ATP8B2: variants seen among roughly 807,000 people sequenced by gnomAD.
The protein encoded by ATP8B2 is phospholipid-transporting ATPase ID.
ATP8B2 carries 70 observed loss-of-function variants against 133.4 expected under a neutral mutation model. The observed-to-expected ratio is 0.52, with a 90% confidence interval of 0.43 to 0.64. ATP8B2 has a LOEUF of 0.64. Among genes scored for constraint, ATP8B2 ranks in the 30% least tolerant of loss-of-function variants. ATP8B2 has a pLI of 0.00. For missense variants in ATP8B2, 1,101 were observed against 1,535.7 expected, an observed-to-expected ratio of 0.72 and a Z score of 4.73; for synonymous variants, 517 against 589.5, an observed-to-expected ratio of 0.88 and a Z score of 1.78.
At position 154,334,351 on chromosome 1, in the gene ATP8B2, C is replaced by A. The variant is rs1686103484; in HGVS notation, c.748+86C>A. 6.4e-7 allele frequency: 1 copy of A among 1,565,380 alleles called. No homozygotes were observed. Among genetic ancestry groups the A allele is most frequent in the Non-Finnish European group, 8.7e-7 (1 of 1,147,210 alleles). On this transcript the variant is annotated intron_variant, in intron 10 of 27. Coordinates refer to ENST00000368489, the MANE Select transcript of ATP8B2 (RefSeq NM_001370597.1). The surrounding 1 kb of genome is among the most constrained non-coding windows in gnomAD (Gnocchi z 4.6). ...GAGTATGGGATGAGGTGGGAGAATA[C>A]CTAAGGTAAAAAACCTCCAGCTGTG... is the stretch of plus-strand genomic sequence containing the variant.
rs1157250636 is a variant in ATP8B2, at chr1:154,350,831, G to A, written c.*1713G>A. The A allele has an allele frequency of 6.6e-6, 1 of 152,264 alleles. No individual in the cohort carries two copies. Among genetic ancestry groups the A allele is most frequent in the Non-Finnish European group, 1.5e-5 (1 of 68,004 alleles). 9.4% of individuals were successfully genotyped at this position (152,264 alleles called of 1,614,324 possible). On this transcript the variant is annotated 3_prime_UTR_variant, in exon 28 of 28. Transcript: ENST00000368489. ...CTTTCCTCTTCTTTGATAGTGGGTC[G>A]GGGGATTCTTCAGGAATGGTTTGGA...
Position 154,328,774 on chromosome 1 carries a change from G to T in ATP8B2, c.31+602G>T, listed in dbSNP as rs1685880442. 1.3e-5 allele frequency: 13 copies of T among 1,001,280 alleles called. No homozygotes were observed. Among genetic ancestry groups the T allele is most frequent in the African/African-American group, 1.7e-5 (1 of 57,360 alleles). The allele number at this position is 1,001,280 out of a possible 1,614,324, so 62.0% of individuals were successfully genotyped here. ...ACGCTGGCATCCGCCGGGGGGCATG[G>T]GGGGCGGCGGCGGCGGCGCAGCTGA... On this transcript the variant is annotated intron_variant, in intron 2 of 27. Coordinates refer to ENST00000368489, the MANE Select transcript of ATP8B2 (RefSeq NM_001370597.1). This position sits in a 1 kb window ranked among gnomAD's most constrained non-coding sequence, Gnocchi z 4.6.
At position 154,328,137 on chromosome 1, in the gene ATP8B2, G is replaced by A; in HGVS notation, c.-5G>A. 6.2e-7 allele frequency: 1 copy of A among 1,614,146 alleles called. No individual in the cohort carries two copies. The highest frequency in any genetic ancestry group is 8.5e-7 in the Non-Finnish European group (1 of 1,180,008). ...CATGGGATTGCTGGGATCTTGCTGG[G>A]TGAGATGGCAGTGTGTGCAAAAAAG... On this transcript the variant is annotated 5_prime_UTR_variant, in exon 2 of 28. In the 5' UTR this introduces an upstream ATG that the reference lacks. Coordinates refer to ENST00000368489, the MANE Select transcript of ATP8B2 (RefSeq NM_001370597.1). This position sits in a 1 kb window ranked among gnomAD's most constrained non-coding sequence, Gnocchi z 4.6.
rs141598097 is a variant in ATP8B2, at chr1:154,348,538, G to A, written c.3294G>A (p.Thr1098=). Residue 1098 remains threonine (T), a splice_region_variant and synonymous_variant, in exon 27 of 28, where the codon ACG becomes ACA. Coordinates refer to ENST00000368489, the MANE Select transcript of ATP8B2 (RefSeq NM_001370597.1). Reference sequence around the variant, plus strand: ...ACCTGAAGCCGGATCTCTCCGACACGGTGAGAAGCCAGGCTACCTGCTGTG... The same window carrying A: ...ACCTGAAGCCGGATCTCTCCGACACAGTGAGAAGCCAGGCTACCTGCTGTG... ...RLNLKPDLSD[T]VRYTQLVRKK... 1.9e-6 allele frequency: 3 copies of A among 1,613,200 alleles called. No homozygotes were observed. Among genetic ancestry groups the A allele is most frequent in the Admixed American group, 1.7e-5 (1 of 60,002 alleles).
intron 13 of ATP8B2, chr1:154,341,664 G>A (rs1686388345): frequency 6.4e-6 from 1 of 156,670 alleles, no homozygotes; most frequent in South Asian, 1.9e-4. Context: ...GTGGTGGCAG[G>A]TGCCTGTTTT....
Position 154,343,795 on chromosome 1 carries a change from C to T in ATP8B2, c.1759-98C>T, listed in dbSNP as rs545364673. The T allele has an allele frequency of 7.2e-6, 10 of 1,394,694 alleles. No homozygotes were observed. Among genetic ancestry groups the T allele is most frequent in the East Asian group, 7.0e-5 (3 of 43,150 alleles). The allele number at this position is 1,394,694 out of a possible 1,614,324, so 86.4% of individuals were successfully genotyped here. ...CAGTCCCTAACTGTGGAATGTGGCA[C>T]ACACCCAGTCTACAGTGCAGGATTA... is the stretch of plus-strand genomic sequence containing the variant. On this transcript the variant is annotated intron_variant, in intron 17 of 27. Transcript: ENST00000368489. This position sits in a 1 kb window ranked among gnomAD's most constrained non-coding sequence, Gnocchi z 5.8.
intron 11 of ATP8B2, 145 bp from the exon 12 acceptor site, chr1:154,337,203 T>A: frequency 3.7e-6 from 3 of 810,430 alleles, no homozygotes; most frequent in Non-Finnish European, 3.8e-6. Flanking sequence ...TTGGGCCACA[T>A]GTGGCCCAGA....
In ATP8B2 at chr1:154,327,766, G is replaced by T. The variant is rs778375392; in HGVS notation, c.-37-339G>T. The T allele has an allele frequency of 8.8e-6, 14 of 1,599,834 alleles. No individual in the cohort carries two copies. The East Asian group carries it at 2.9e-4, about 33-fold the overall frequency. On this transcript the variant is annotated intron_variant, in intron 1 of 27. Coordinates refer to ENST00000368489, the MANE Select transcript of ATP8B2 (RefSeq NM_001370597.1). ...GTAAGCACAAGCACTACTCATTGCC[G>T]CCAGAACACATGAGAGCCTCCATTG...
Position 154,348,849 on chromosome 1 carries a change from A to G in ATP8B2, c.3304A>G (p.Thr1102Ala), listed in dbSNP as rs1326577910. 1 of 1,603,348 alleles carries G rather than the reference A, an allele frequency of 6.2e-7. No individual in the cohort carries two copies. The highest frequency in any genetic ancestry group is 1.7e-5 in the Admixed American group (1 of 59,230). ...CTGTGCCCCTCTGCAGGTCCGCTAC[A>G]CACAGCTCGTGAGGAAGAAGCAGAA... ...KPDLSDTVRYTQLVRKKQKAQ... is the reference protein window; with the variant it reads ...KPDLSDTVRYAQLVRKKQKAQ... The change falls in exon 28 of 28, where the codon ACA becomes GCA. Residue 1102 changes from threonine (T) to alanine (A), a missense_variant. Transcript: ENST00000368489.
At position 154,346,390 on chromosome 1, in the gene ATP8B2, A is replaced by G. The variant is rs1297526244; in HGVS notation, c.2938A>G (p.Thr980Ala). The G allele has an allele frequency of 6.2e-7, 1 of 1,614,094 alleles. No individual in the cohort carries two copies. Among genetic ancestry groups the G allele is most frequent in the Middle Eastern group, 1.6e-4 (1 of 6,062 alleles). Residue 980 changes from threonine to alanine, a missense_variant, in exon 25 of 28, where the codon ACC (threonine) becomes GCC (alanine). Transcript: ENST00000368489. The surrounding 1 kb of genome is among the most constrained non-coding windows in gnomAD (Gnocchi z 4.5). ...TCCCTATGGGGTGTTTGCTGATGCCACCCGGGATGATGGCACTCAGCTGGC... is the reference window on the plus strand; with the variant it reads ...TCCCTATGGGGTGTTTGCTGATGCCGCCCGGGATGATGGCACTCAGCTGGC... ...FIPYGVFADA[T>A]RDDGTQLADY...
At position 154,344,658 on chromosome 1, in the gene ATP8B2, T is replaced by A. The variant is rs1558274730; in HGVS notation, c.2159T>A (p.Met720Lys). The change falls in exon 21 of 28, where the codon ATG (methionine) becomes AAG (lysine). Residue 720 changes from methionine to lysine, a missense_variant. Transcript: ENST00000368489. This position sits in a 1 kb window ranked among gnomAD's most constrained non-coding sequence, Gnocchi z 4.1. ...REELRKAREK[M>K]MDSSRSVGNG... The stretch of plus-strand genomic sequence containing the variant: ...CTCGACAGGAAAGCCCGGGAGAAGA[T>A]GATGGACTCATCCCGCTCCGTAGGC... 1.2e-6 allele frequency: 2 copies of A among 1,610,366 alleles called. No homozygotes were observed. The highest frequency in any genetic ancestry group is 1.1e-5 in the South Asian group (1 of 91,044).
chr1:154,330,998 G>T (rs773717686), intron 4 of ATP8B2, 50 bp from the exon 5 acceptor site: 4 of 1,600,370 alleles, frequency 2.5e-6, no homozygotes. Context: ...GAAAGGGAAT[G>T]AAGGCATCAG....
At position 154,346,755 on chromosome 1, in the gene ATP8B2, G is replaced by T. The variant is rs1304841699; in HGVS notation, c.3160G>T (p.Val1054Leu). 1 of 1,614,070 alleles carries T rather than the reference G, an allele frequency of 6.2e-7. No individual in the cohort carries two copies. The highest frequency in any genetic ancestry group is 8.5e-7 in the Non-Finnish European group (1 of 1,180,018). Reference sequence around the variant, plus strand: ...CATGTTTCCCAACCAGTTCCGGTTTGTGGGTAAGTCCCCGTGGCCTCCTTG... The same window carrying T: ...CATGTTTCCCAACCAGTTCCGGTTTTTGGGTAAGTCCCCGTGGCCTCCTTG... ...FDMFPNQFRF[V>L]GNAQNTLAQP... The change falls in exon 26 of 28, where the codon GTG (valine) becomes TTG (leucine). Residue 1054 changes from valine (V) to leucine (L), a missense_variant. Val to Leu is a conservative substitution (Grantham distance 32). Coordinates refer to ENST00000368489, the MANE Select transcript of ATP8B2 (RefSeq NM_001370597.1). This position sits in a 1 kb window ranked among gnomAD's most constrained non-coding sequence, Gnocchi z 4.5.
chr1:154,331,200 CCCCA>C lies in ATP8B2; in HGVS notation c.303+58_303+61del. ...CCCAGTCACCCACCCCTACTCCCAG[CCCCA>C]CCCCCATCTCATGGCCACCTTCATC... On this transcript the variant is annotated intron_variant, in intron 5 of 27. Coordinates refer to ENST00000368489, the MANE Select transcript of ATP8B2 (RefSeq NM_001370597.1). This position sits in a 1 kb window ranked among gnomAD's most constrained non-coding sequence, Gnocchi z 4.8. The C allele has an allele frequency of 6.7e-7, 1 of 1,496,944 alleles. No homozygotes were observed. Among genetic ancestry groups the C allele is most frequent in the Non-Finnish European group, 9.2e-7 (1 of 1,083,616 alleles). The allele number at this position is 1,496,944 out of a possible 1,614,324, so 92.7% of individuals were successfully genotyped here.
rs1240334386 is a variant in ATP8B2 at position 154,344,624 on chromosome 1, C to T, written c.2142-17C>T. The T allele has an allele frequency of 6.2e-7, 1 of 1,606,828 alleles. No homozygotes were observed. The highest frequency in any genetic ancestry group is 8.5e-7 in the Non-Finnish European group (1 of 1,173,890). On this transcript the variant is annotated splice_polypyrimidine_tract_variant and intron_variant, in intron 20 of 27. Transcript: ENST00000368489. The surrounding 1 kb of genome is among the most constrained non-coding windows in gnomAD (Gnocchi z 4.1). ...CCGTTCTGGAAGACCACAACCGTAT[C>T]ATTTCCACCTCGACAGGAAAGCCCG...
chr1:154,329,123 C>A, intron 2 of ATP8B2: 1 of 1,211,184 alleles, frequency 8.3e-7, no homozygotes, highest in Non-Finnish European at 1.1e-6. Flanking sequence ...ATTATTTCCC[C>A]CCTCCAATCC....
Position 154,334,139 on chromosome 1 carries a change from C to T in ATP8B2, c.622C>T (p.Leu208=), listed in dbSNP as rs1378019118. 5 of 1,614,202 alleles carry T rather than the reference C, an allele frequency of 3.1e-6. No individual in the cohort carries two copies. Among genetic ancestry groups the T allele is most frequent in the Non-Finnish European group, 4.2e-6 (5 of 1,180,050 alleles). The stretch of plus-strand genomic sequence containing the variant: ...GATCTGTGAACCTCCCAACAACAAA[C>T]TGGACAAATTCAGCGGAACCCTCTA... ...EVICEPPNNK[L]DKFSGTLYWK... is the part of the protein sequence containing the mutation. The change falls in exon 10 of 28, where the codon CTG becomes TTG. Residue 208 remains leucine, a synonymous_variant. Transcript: ENST00000368489. The surrounding 1 kb of genome is among the most constrained non-coding windows in gnomAD (Gnocchi z 4.6).
chr1:154,337,082 G>A (rs763549026), intron 11 of ATP8B2, among the ~76,000 whole-genome samples: 2 of 151,072 alleles, frequency 1.3e-5, no homozygotes, highest in Non-Finnish European at 2.9e-5. Flanking sequence ...ACAGGCTTGA[G>A]CCACTGCGCC....
intron 26 of ATP8B2, among the ~76,000 whole-genome samples, chr1:154,347,280 G>T (rs1194584): frequency 0.38 from 57,774 of 152,032 alleles, 12,972 homozygotes; most frequent in East Asian, 0.61. Flanking sequence ...GCAATATAAA[G>T]GCCTTCAGCC....
Sources: allele counts gnomAD v4.1 joint callset (sites outside exome capture counted in the v4.1 genomes callset), GRCh38; gene constraint gnomAD v4.1.1; non-coding constraint Gnocchi (gnomAD v3.1); transcripts MANE v1.5; gene names NCBI Gene and HGNC (gene_info 2026-07-23, HGNC 2026-07-21).